Variants in NAALADL2 observed in about 807,000 individuals in gnomAD.
NAALADL2 encodes N-acetylated alpha-linked acidic dipeptidase like 2.
NAALADL2 carries 76 observed loss-of-function variants against 87.2 expected under a neutral mutation model. The ratio of observed to expected loss-of-function variants is 0.87; its 90% CI spans 0.72 to 1.05. The LOEUF is 1.05. Ranked by LOEUF, NAALADL2 falls within the 50% of genes least tolerant of loss-of-function variation. The probability of loss-of-function intolerance (pLI) is 0.00; values close to 1 mark genes in which losing one functional copy is unlikely to be tolerated. For missense variants in NAALADL2, 1,089 were observed against 945.8 expected, an observed-to-expected ratio of 1.15 and a Z score of -1.99; for synonymous variants, 354 against 331.0, an observed-to-expected ratio of 1.07 and a Z score of -0.75.
intron 9 of NAALADL2, among the ~76,000 whole-genome samples, chr3:175,563,726 G>A (rs921688077): frequency 1.3e-5 from 2 of 152,170 alleles, no homozygotes; most frequent in African/African-American, 4.8e-5. Flanking sequence ...GGTGAACTAA[G>A]TTAAAACAGT....
Position 174,481,501 on chromosome 3 carries a change from A to T in NAALADL2, c.-184+40469A>T, listed in dbSNP as rs577322635. 6.6e-5 allele frequency among the ~76,000 whole-genome samples: 10 copies of T among 152,198 alleles called. No homozygotes were observed. In the South Asian group the frequency reaches 2.1e-3, roughly 32 times the overall value. ...TTGCCACGAGGTTTAGAGGCAACAGATTCAAGTCTACACAGCCAAATTACA... is the reference window on the plus strand; with the variant it reads ...TTGCCACGAGGTTTAGAGGCAACAGTTTCAAGTCTACACAGCCAAATTACA... On this transcript the variant is annotated intron_variant, in intron 1 of 3. Transcript: ENST00000434257.
intron 3 of NAALADL2, among the ~76,000 whole-genome samples, chr3:174,828,200 TTCTC>T (rs1290975024): frequency 1.5e-5 from 2 of 135,986 alleles, no homozygotes; most frequent in Non-Finnish European, 3.2e-5. Context: ...ACAACAAAGA[TTCTC>T]TCAATCTTCC....
chr3:175,640,964 G>A (rs1190412683), intron 11 of NAALADL2, among the ~76,000 whole-genome samples: 1 of 152,170 alleles, frequency 6.6e-6, no homozygotes, highest in Non-Finnish European at 1.5e-5. Context: ...CTAGGCAACT[G>A]CTTTCTCCAT....
At chr3:175,417,459 T>C (rs2149109646) in intron 5 of NAALADL2, among the ~76,000 whole-genome samples, 1 of 152,182 alleles carries the variant, frequency 6.6e-6, no homozygotes, top group South Asian at 2.1e-4. Context: ...CAAATAATTT[T>C]TTAAAACTAT....
At chr3:174,475,286 G>C (rs927363522) in intron 1 of NAALADL2, among the ~76,000 whole-genome samples, 1 of 151,740 alleles carries the variant, frequency 6.6e-6, no homozygotes, top group Non-Finnish European at 1.5e-5. Flanking sequence ...AATTCTTTAC[G>C]TAAAATAATT....
chr3:175,726,686 C>T (rs1742967357), intron 11 of NAALADL2, among the ~76,000 whole-genome samples: 2 of 152,120 alleles, frequency 1.3e-5, no homozygotes, highest in South Asian at 2.1e-4. Context: ...TCCTACTACC[C>T]TCACCTCTCA....
chr3:175,539,374 A>G (rs1341869768), intron 9 of NAALADL2, among the ~76,000 whole-genome samples: 1 of 152,196 alleles, frequency 6.6e-6, no homozygotes, highest in Admixed American at 6.5e-5. Context: ...TTTTATTGAC[A>G]GTTACGCATT....
intron 5 of NAALADL2, among the ~76,000 whole-genome samples, chr3:175,421,108 T>A (rs1218960950): frequency 6.6e-6 from 1 of 152,040 alleles, no homozygotes; most frequent in African/African-American, 2.4e-5. Context: ...AATTATAAAA[T>A]ATCAAGAATG....
At chr3:175,659,401 T>C (rs1731948100) in intron 11 of NAALADL2, among the ~76,000 whole-genome samples, 1 of 152,148 alleles carries the variant, frequency 6.6e-6, no homozygotes, top group Admixed American at 6.6e-5. Flanking sequence ...AGTCATTTCA[T>C]CCCAGGATAT....
chr3:175,041,734 C>G (rs995322479), intron 1 of NAALADL2, among the ~76,000 whole-genome samples: 1 of 152,076 alleles, frequency 6.6e-6, no homozygotes, highest in Non-Finnish European at 1.5e-5. Context: ...TATGGATGCA[C>G]TGTGTATATC....
At chr3:175,020,788 A>G (rs927260378) in intron 1 of NAALADL2, among the ~76,000 whole-genome samples, 3 of 151,982 alleles carry the variant, frequency 2.0e-5, no homozygotes, top group Non-Finnish European at 4.4e-5. Context: ...ACTCGCAACT[A>G]CAATTTACCG....
chr3:174,976,580 A>G (rs1180016806), intron 1 of NAALADL2, among the ~76,000 whole-genome samples: 2 of 152,224 alleles, frequency 1.3e-5, no homozygotes, highest in Non-Finnish European at 2.9e-5. Context: ...TACTAATACA[A>G]TCAAGCCTTG....
intron 1 of NAALADL2, among the ~76,000 whole-genome samples, chr3:174,956,901 A>C (rs1449329680): frequency 6.6e-6 from 1 of 152,060 alleles, no homozygotes; most frequent in Admixed American, 6.6e-5. Context: ...TAACTGAAGG[A>C]AATGATGAAA....
intron 1 of NAALADL2, among the ~76,000 whole-genome samples, chr3:174,871,947 A>G (rs975512745): frequency 2.0e-5 from 3 of 152,038 alleles, no homozygotes; most frequent in Non-Finnish European, 4.4e-5. Context: ...AAAAATGATA[A>G]CATTATCCAG....
At chr3:175,612,919 T>G (rs1335792201) in intron 10 of NAALADL2, among the ~76,000 whole-genome samples, 4 of 152,210 alleles carry the variant, frequency 2.6e-5, no homozygotes, top group African/African-American at 9.6e-5. Context: ...TTATTCATTG[T>G]GTTACCATGA....
chr3:175,390,535 G>A (rs193001158), intron 5 of NAALADL2, among the ~76,000 whole-genome samples: 1 of 152,124 alleles, frequency 6.6e-6, no homozygotes, highest in African/African-American at 2.4e-5. Context: ...GGCTAAACAA[G>A]GGGAAAATGG....
chr3:174,968,111 T>G (rs772250143), intron 1 of NAALADL2, among the ~76,000 whole-genome samples: 14 of 152,186 alleles, frequency 9.2e-5, no homozygotes, highest in Non-Finnish European at 1.5e-4. Flanking sequence ...TTCAATTTGG[T>G]GCACTATCTA....
intron 1 of NAALADL2, among the ~76,000 whole-genome samples, chr3:174,466,744 G>A (rs1716554922): frequency 6.6e-6 from 1 of 152,064 alleles, no homozygotes; most frequent in African/African-American, 2.4e-5. Context: ...CCCCATATGA[G>A]GACTTTCTCT....
chr3:175,765,874 A>T (rs1484240458), intron 13 of NAALADL2, among the ~76,000 whole-genome samples: 1 of 152,128 alleles, frequency 6.6e-6, no homozygotes, highest in Non-Finnish European at 1.5e-5. Context: ...CTTTATACAT[A>T]TAAGAAAACC....
Sources: gnomAD v4.1 joint callset for allele counts (sites outside exome capture counted in the v4.1 genomes callset) on GRCh38, gnomAD v4.1.1 for gene constraint, MANE v1.5 for transcripts, NCBI Gene and HGNC (gene_info 2026-07-23, HGNC 2026-07-21) for gene names.